The following SUSD5 variants were observed in gnomAD, a reference collection of about 807,000 sequenced individuals.
The protein encoded by SUSD5 is sushi domain-containing protein 5.
SUSD5 carries 33 observed loss-of-function variants against 29.5 expected under a neutral mutation model. The ratio of observed to expected loss-of-function variants is 1.12; its 90% CI spans 0.85 to 1.49. The LOEUF (loss-of-function observed/expected upper bound fraction) is 1.49. Ranked by LOEUF, SUSD5 falls within the 40% of genes most tolerant of loss-of-function variation. SUSD5 has a pLI of 0.00. For missense variants in SUSD5, 776 were observed against 800.6 expected (o/e 0.97, Z 0.37); for synonymous variants, 308 against 325.3 (o/e 0.95, Z 0.57).
chr3:33,191,077 T>G (rs11715079), intron 3 of SUSD5, among the ~76,000 whole-genome samples: 1 of 151,826 alleles, frequency 6.6e-6, no homozygotes, highest in Non-Finnish European at 1.5e-5. Flanking sequence ...TACTGGGTTT[T>G]GGGTATTTAC....
At chr3:33,175,757 C>G (rs2031539757) in intron 3 of SUSD5, among the ~76,000 whole-genome samples, 1 of 152,108 alleles carries the variant, frequency 6.6e-6, no homozygotes, top group Non-Finnish European at 1.5e-5. Flanking sequence ...ACCCCCGACC[C>G]TTCCACGCAC....
intron 3 of SUSD5, among the ~76,000 whole-genome samples, chr3:33,191,431 A>C: frequency 6.6e-6 from 1 of 151,286 alleles, no homozygotes; most frequent in East Asian, 2.0e-4. Flanking sequence ...CACCCGGCCT[A>C]GTATACCTTT....
chr3:33,168,154 C>T (rs1187827556), intron 4 of SUSD5, among the ~76,000 whole-genome samples: 2 of 152,180 alleles, frequency 1.3e-5, no homozygotes, highest in Non-Finnish European at 2.9e-5. Context: ...AGGAGACAGG[C>T]CAGAGCCCAG....
chr3:33,189,347 G>A (rs955071154), intron 3 of SUSD5, among the ~76,000 whole-genome samples: 2 of 151,864 alleles, frequency 1.3e-5, no homozygotes, highest in Admixed American at 6.6e-5. Flanking sequence ...ATGTGGCGGC[G>A]CACGCCTGTA....
chr3:33,191,006 A>C (rs2031879236), intron 3 of SUSD5, among the ~76,000 whole-genome samples: 1 of 152,186 alleles, frequency 6.6e-6, no homozygotes, highest in Non-Finnish European at 1.5e-5. Flanking sequence ...TACCTTCTTC[A>C]TAGAGCATAT....
At chr3:33,184,794 T>C (rs1052270176) in intron 3 of SUSD5, among the ~76,000 whole-genome samples, 2 of 152,198 alleles carry the variant, frequency 1.3e-5, no homozygotes, top group African/African-American at 2.4e-5. Flanking sequence ...CTATTACCCA[T>C]CTGTTCTTGT....
At chr3:33,205,017 A>G (rs180701048) in intron 3 of SUSD5, among the ~76,000 whole-genome samples, 3 of 151,984 alleles carry the variant, frequency 2.0e-5, no homozygotes, top group African/African-American at 7.2e-5. Context: ...GTGTGTATAC[A>G]TATATATATG....
At chr3:33,189,080 A>G (rs182353665) in intron 3 of SUSD5, among the ~76,000 whole-genome samples, 1 of 152,338 alleles carries the variant, frequency 6.6e-6, no homozygotes, top group Admixed American at 6.5e-5. Context: ...TTCATATGCA[A>G]ATAAACCCTG....
At chr3:33,207,955 A>AG (rs2032254189) in intron 2 of SUSD5, 29 bp from the exon 3 acceptor site, 1 of 1,545,804 alleles carries the variant, frequency 6.5e-7, no homozygotes, top group African/African-American at 1.4e-5. Context: ...GCACTGAATG[A>AG]GGAAAACTCT....
intron 4 of SUSD5, among the ~76,000 whole-genome samples, chr3:33,163,419 G>A (rs35166198): frequency 0.095 from 14,454 of 151,852 alleles, 819 homozygotes; most frequent in East Asian, 0.19. Flanking sequence ...ATTTATCCCA[G>A]GAATTTATCA....
intron 4 of SUSD5, among the ~76,000 whole-genome samples, chr3:33,162,197 ATAAC>A (rs2125615747): frequency 6.6e-6 from 1 of 152,368 alleles, no homozygotes; most frequent in Admixed American, 6.5e-5. Context: ...ACATGTCTAA[ATAAC>A]TCATGGCTCA....
At chr3:33,212,990 T>C (rs963139829) in intron 2 of SUSD5, among the ~76,000 whole-genome samples, 1 of 152,174 alleles carries the variant, frequency 6.6e-6, no homozygotes, top group African/African-American at 2.4e-5. Flanking sequence ...AAAGAATGTA[T>C]ACCAAACAAT....
Position 33,194,339 on chromosome 3 carries a change from C to CT in SUSD5, c.409+13468dup, listed in dbSNP as rs546643139. On this transcript the variant is annotated intron_variant, in intron 3 of 4. Coordinates refer to ENST00000309558, the MANE Select transcript of SUSD5 (RefSeq NM_015551.2). ...TAGCTGGCTCTACGGGTATTAAACT[C>CT]TTTCTCTATTGCAATTCCTCTGTCT... 4.9e-4 allele frequency among the ~76,000 whole-genome samples: 75 copies of CT among 152,290 alleles called. 2 individuals are homozygous for CT. Among genetic ancestry groups the CT allele is most frequent in the South Asian group, 4.8e-3 (23 of 4,826 alleles).
chr3:33,205,973 A>G (rs955509540), intron 3 of SUSD5, among the ~76,000 whole-genome samples: 1 of 152,236 alleles, frequency 6.6e-6, no homozygotes. Context: ...CAGAAGCCCT[A>G]CATTATTTCT....
chr3:33,177,726 A>G (rs1229983777), intron 3 of SUSD5, among the ~76,000 whole-genome samples: 3 of 147,608 alleles, frequency 2.0e-5, no homozygotes, highest in African/African-American at 8.1e-5. Flanking sequence ...GTCCACAGGA[A>G]AGTGATTAAC....
At chr3:33,197,961 T>C (rs534980526) in intron 3 of SUSD5, among the ~76,000 whole-genome samples, 1 of 152,270 alleles carries the variant, frequency 6.6e-6, no homozygotes, top group Admixed American at 6.5e-5. Context: ...GTCATACACT[T>C]CTCTTGGATC....
Position 33,218,755 on chromosome 3 carries a change from G to T in SUSD5, c.43C>A (p.Arg15Ser). The change falls in exon 1 of 5, where the codon CGC becomes AGC. Residue 15 changes from arginine (R) to serine (S), a missense_variant. Coordinates refer to ENST00000309558, the MANE Select transcript of SUSD5 (RefSeq NM_015551.2). The part of the protein sequence containing the change: ...GPSPPARWHR[R>S]LPGLWAAALL... The stretch of plus-strand genomic sequence containing the variant: ...GCCGCCGCCCAGAGCCCGGGGAGGC[G>T]TCTGTGCCAACGGGCAGGCGGGCTG... 8 of 1,409,692 alleles carry T rather than the reference G, an allele frequency of 5.7e-6. No individual in the cohort carries two copies. The highest frequency in any genetic ancestry group is 6.4e-6 in the Non-Finnish European group (7 of 1,089,206). 87.3% of individuals were successfully genotyped at this position (1,409,692 alleles called of 1,614,324 possible). A position where few individuals can be genotyped will look rare whatever the true frequency, so the allele number is the denominator to read the frequency against.
intron 2 of SUSD5, 84 bp downstream of exon 2, chr3:33,213,844 C>T: frequency 1.4e-6 from 2 of 1,425,892 alleles, no homozygotes; most frequent in South Asian, 2.8e-5. Flanking sequence ...TGTATGGTAC[C>T]TCAACAGAAC....
intron 3 of SUSD5, among the ~76,000 whole-genome samples, chr3:33,203,831 T>C (rs1238018813): frequency 6.6e-6 from 1 of 152,096 alleles, no homozygotes; most frequent in Non-Finnish European, 1.5e-5. Flanking sequence ...GATTCAGTGT[T>C]ATTTTGTTTC....
Sources: gnomAD v4.1 joint callset for allele counts (sites outside exome capture counted in the v4.1 genomes callset) on GRCh38, gnomAD v4.1.1 for gene constraint, MANE v1.5 for transcripts, NCBI Gene and HGNC (gene_info 2026-07-23, HGNC 2026-07-21) for gene names.